The following THSD7A variants were observed in gnomAD, a reference collection of about 807,000 sequenced individuals.
THSD7A encodes thrombospondin type-1 domain-containing protein 7A.
In THSD7A, 96 loss-of-function variants were observed where a neutral mutation model predicts 231.3. That is an observed-to-expected ratio of 0.41 (90% CI 0.35 to 0.49). The LOEUF (loss-of-function observed/expected upper bound fraction) is 0.49, where lower values mean the gene tolerates loss of function less well. Among genes scored for constraint, THSD7A ranks in the 20% least tolerant of loss-of-function variants. The probability of loss-of-function intolerance (pLI) is 0.05; values close to 1 mark genes in which losing one functional copy is unlikely to be tolerated. For synonymous variants in THSD7A, 940 were observed against 743.3 expected, an observed-to-expected ratio of 1.26 and a Z score of -4.30; for missense variants, 2,290 against 2,070.2, an observed-to-expected ratio of 1.11 and a Z score of -2.06.
chr7:11,396,223 C>G (rs940979871), intron 23 of THSD7A, among the ~76,000 whole-genome samples: 2 of 152,072 alleles, frequency 1.3e-5, no homozygotes, highest in Non-Finnish European at 2.9e-5. Context: ...ACCTTAACAT[C>G]ACAATTAAAA....
chr7:11,484,874 A>ATTTTTTTTTTTTTTTTTTTTTTTTTTTTT (rs56353626), intron 6 of THSD7A, among the ~76,000 whole-genome samples: 3 of 53,810 alleles, frequency 5.6e-5, no homozygotes, highest in African/African-American at 1.5e-4. Flanking sequence ...CACAACCTTA[A>ATTTTTTTTTTTTTTTTTTTTTTTTTTTTT]TTTTTTTTTT....
intron 2 of THSD7A, among the ~76,000 whole-genome samples, chr7:11,605,367 T>C (rs1421096341): frequency 6.6e-6 from 1 of 152,132 alleles, no homozygotes; most frequent in African/African-American, 2.4e-5. Context: ...TCTCATCATT[T>C]TGCTGAAGTT....
At chr7:11,704,679 A>T (rs1036254847) in intron 1 of THSD7A, among the ~76,000 whole-genome samples, 5 of 151,020 alleles carry the variant, frequency 3.3e-5, no homozygotes, top group Non-Finnish European at 7.4e-5. Flanking sequence ...ACCTGAGGCT[A>T]ACCTGGGGTC....
chr7:11,718,103 A>G (rs1374162251), intron 1 of THSD7A, among the ~76,000 whole-genome samples: 1 of 151,674 alleles, frequency 6.6e-6, no homozygotes, highest in Admixed American at 6.6e-5. Context: ...ACCAGACCCT[A>G]AACACCAGTT....
chr7:11,507,386 T>C (rs929227710), intron 6 of THSD7A, among the ~76,000 whole-genome samples: 1 of 152,202 alleles, frequency 6.6e-6, no homozygotes, highest in African/African-American at 2.4e-5. Context: ...TTATATATTG[T>C]TATAACAATA....
chr7:11,784,017 T>A (rs1472682272), intron 1 of THSD7A, among the ~76,000 whole-genome samples: 1 of 152,056 alleles, frequency 6.6e-6, no homozygotes, highest in Admixed American at 6.6e-5. Flanking sequence ...AAAAAGTTTT[T>A]AAAAATTCCT....
chr7:11,638,671 G>A (rs2526096), intron 1 of THSD7A, among the ~76,000 whole-genome samples: 22,357 of 151,974 alleles, frequency 0.15, 1,774 homozygotes, highest in Admixed American at 0.21. Flanking sequence ...GATGTAAAAT[G>A]CTCATGCTTA....
chr7:11,447,685 A>G (rs962782603), intron 11 of THSD7A, among the ~76,000 whole-genome samples: 3 of 152,086 alleles, frequency 2.0e-5, no homozygotes, highest in Non-Finnish European at 4.4e-5. Context: ...ACCAGTTTTA[A>G]TTATATGTAT....
intron 1 of THSD7A, among the ~76,000 whole-genome samples, chr7:11,735,413 A>G (rs981889331): frequency 7.9e-5 from 12 of 151,984 alleles, no homozygotes; most frequent in Admixed American, 2.6e-4. Context: ...TCCATACATA[A>G]GCACTTAAAC....
intron 1 of THSD7A, among the ~76,000 whole-genome samples, chr7:11,772,259 G>A (rs1220886327): frequency 1.3e-5 from 2 of 151,960 alleles, no homozygotes; most frequent in African/African-American, 4.8e-5. Context: ...TGGAGGAAAG[G>A]GAATGCTGGT....
At chr7:11,546,202 G>GCGCGCGCGCACACAAACACACACACACA (rs761841418) in intron 4 of THSD7A, among the ~76,000 whole-genome samples, 1 of 129,374 alleles carries the variant, frequency 7.7e-6, no homozygotes, top group Non-Finnish European at 1.7e-5. Flanking sequence ...GTGGGCGCGC[G>GCGCGCGCGCACACAAACACACACACACA]CTCACACACA....
intron 17 of THSD7A, among the ~76,000 whole-genome samples, chr7:11,414,565 C>A (rs1343610066): frequency 6.6e-6 from 1 of 152,132 alleles, no homozygotes; most frequent in Non-Finnish European, 1.5e-5. Flanking sequence ...AGGCTGCAAC[C>A]CTTTATGAGA....
intron 1 of THSD7A, among the ~76,000 whole-genome samples, chr7:11,733,952 C>T (rs1033327736): frequency 8.6e-5 from 13 of 151,884 alleles, no homozygotes; most frequent in Admixed American, 3.3e-4. Context: ...TGTTATATTT[C>T]CCTTCACAGA....
At chr7:11,612,680 C>A (rs984322007) in intron 2 of THSD7A, among the ~76,000 whole-genome samples, 2 of 152,154 alleles carry the variant, frequency 1.3e-5, no homozygotes, top group African/African-American at 4.8e-5. Flanking sequence ...AGATCATCTT[C>A]CAACATGACA....
At chr7:11,438,170 T>C (rs1011655441) in intron 13 of THSD7A, among the ~76,000 whole-genome samples, 2 of 152,024 alleles carry the variant, frequency 1.3e-5, no homozygotes, top group South Asian at 2.1e-4. Context: ...CATTGAAACA[T>C]GACACCTGCT....
At chr7:11,436,428 T>C (rs1784634901) in intron 13 of THSD7A, among the ~76,000 whole-genome samples, 2 of 152,072 alleles carry the variant, frequency 1.3e-5, no homozygotes, top group South Asian at 4.1e-4. Flanking sequence ...CAGTCTGTGG[T>C]AAATTGAAAA....
intron 2 of THSD7A, among the ~76,000 whole-genome samples, chr7:11,627,269 C>A (rs989916625): frequency 1.3e-5 from 2 of 151,844 alleles, no homozygotes; most frequent in Non-Finnish European, 1.5e-5. Flanking sequence ...AAATAAAAAT[C>A]ATATTTACTT....
At chr7:11,463,135 C>T (rs1312679851) in intron 9 of THSD7A, among the ~76,000 whole-genome samples, 1 of 152,114 alleles carries the variant, frequency 6.6e-6, no homozygotes, top group Non-Finnish European at 1.5e-5. Context: ...TTAGCAGCTC[C>T]TAACAATTAA....
chr7:11,443,970 C>G (rs970344108), intron 13 of THSD7A, among the ~76,000 whole-genome samples: 1 of 151,968 alleles, frequency 6.6e-6, no homozygotes, highest in African/African-American at 2.4e-5. Context: ...AGAAAAAACC[C>G]CATCCAAAAG....
Sources: gnomAD v4.1 joint callset for allele counts (sites outside exome capture counted in the v4.1 genomes callset) on GRCh38, gnomAD v4.1.1 for gene constraint, MANE v1.5 for transcripts, NCBI Gene and HGNC (gene_info 2026-07-23, HGNC 2026-07-21) for gene names.